The following RBFOX1 variants were observed in gnomAD, a reference collection of about 807,000 sequenced individuals.
The protein encoded by RBFOX1 is RNA binding fox-1 homolog 1, also known as RNA binding protein fox-1 homolog 1.
A neutral mutation model predicts 57.7 loss-of-function variants in RBFOX1; 8 were observed. That is an observed-to-expected ratio of 0.14 (90% CI 0.08 to 0.25). The LOEUF (loss-of-function observed/expected upper bound fraction) is 0.25. Among genes scored for constraint, RBFOX1 ranks in the 10% least tolerant of loss-of-function variants. RBFOX1 has a pLI of 1.00. For missense variants in RBFOX1, 611 were observed against 548.5 expected (o/e 1.11, Z -1.14); for synonymous variants, 326 against 222.4 (o/e 1.47, Z -4.15).
chr16:7,012,305 C>T (rs571777668), intron 3 of RBFOX1, among the ~76,000 whole-genome samples: 3 of 152,294 alleles, frequency 2.0e-5, no homozygotes, highest in East Asian at 3.9e-4. Context: ...AAATGTCTGG[C>T]AGGTGAGATC....
chr16:6,379,853 A>G (rs2091611177), intron 2 of RBFOX1, among the ~76,000 whole-genome samples: 1 of 152,160 alleles, frequency 6.6e-6, no homozygotes, highest in Non-Finnish European at 1.5e-5. Flanking sequence ...GACGGGCATG[A>G]GAGAACAAGA....
chr16:5,300,713 G>C (rs997000939), intron 1 of RBFOX1, among the ~76,000 whole-genome samples: 1 of 151,988 alleles, frequency 6.6e-6, no homozygotes, highest in African/African-American at 2.4e-5. Context: ...TTTTCTAGTT[G>C]CTTTTTTTGG....
intron 2 of RBFOX1, among the ~76,000 whole-genome samples, chr16:6,644,743 G>C (rs913420264): frequency 6.6e-6 from 1 of 152,100 alleles, no homozygotes; most frequent in African/African-American, 2.4e-5. Flanking sequence ...GAAACACCTG[G>C]GCCCTGGAGC....
rs9939867 is a variant in RBFOX1 at position 7,565,082 on chromosome 16, G to C, written c.271-14695G>C. ...AGCAGGAAGCTGGGAGGATCTGCAC[G>C]AGCCCCGTTTTGAAGTAGGATTGTG... On this transcript the variant is annotated intron_variant, in intron 5 of 15. Transcript: ENST00000550418. 4.8e-3 allele frequency among the ~76,000 whole-genome samples: 728 copies of C among 152,294 alleles called. 6 individuals carry two copies. The highest frequency in any genetic ancestry group is 0.016 in the African/African-American group (685 of 41,550).
intron 4 of RBFOX1, among the ~76,000 whole-genome samples, chr16:7,189,462 G>C (rs1484547050): frequency 2.2e-5 from 3 of 138,780 alleles, no homozygotes; most frequent in African/African-American, 8.4e-5. Context: ...ATCCTCAATG[G>C]ATAGAATCCT....
chr16:7,250,948 T>C (rs1316985865), intron 4 of RBFOX1, among the ~76,000 whole-genome samples: 2 of 152,348 alleles, frequency 1.3e-5, no homozygotes, highest in East Asian at 1.9e-4. Flanking sequence ...GAAATATGTA[T>C]ATATTGTGGA....
chr16:6,688,915 C>T (rs2059826228), intron 3 of RBFOX1, among the ~76,000 whole-genome samples: 1 of 152,118 alleles, frequency 6.6e-6, no homozygotes, highest in Non-Finnish European at 1.5e-5. Flanking sequence ...GTGTCAGTTT[C>T]CTGAGAATGA....
intron 3 of RBFOX1, among the ~76,000 whole-genome samples, chr16:5,691,178 G>T (rs1168325968): frequency 6.6e-6 from 1 of 152,176 alleles, no homozygotes; most frequent in Non-Finnish European, 1.5e-5. Context: ...CAACATCTTT[G>T]TAATAAATTT....
intron 4 of RBFOX1, among the ~76,000 whole-genome samples, chr16:5,988,026 A>C (rs1393568522): frequency 2.0e-5 from 3 of 152,132 alleles, no homozygotes; most frequent in Non-Finnish European, 4.4e-5. Flanking sequence ...AGCCCACAGT[A>C]CTTCACCAGC....
intron 1 of RBFOX1, among the ~76,000 whole-genome samples, chr16:5,404,317 C>T (rs1053548209): frequency 6.6e-6 from 1 of 152,128 alleles, no homozygotes; most frequent in Non-Finnish European, 1.5e-5. Flanking sequence ...GAAGTGCCAA[C>T]CTTCTGGGAG....
intron 2 of RBFOX1, among the ~76,000 whole-genome samples, chr16:6,573,449 A>C (rs1305948872): frequency 6.6e-6 from 1 of 152,076 alleles, no homozygotes; most frequent in African/African-American, 2.4e-5. Flanking sequence ...TCTGCCATTC[A>C]CTCAGATCAT....
At chr16:6,072,322 C>T (rs1318149088) in intron 1 of RBFOX1, among the ~76,000 whole-genome samples, 1 of 152,100 alleles carries the variant, frequency 6.6e-6, no homozygotes, top group African/African-American at 2.4e-5. Context: ...TAGGTGGGGA[C>T]ACAGCCAAAC....
chr16:5,754,481 G>C (rs2053329422), intron 3 of RBFOX1, among the ~76,000 whole-genome samples: 1 of 148,588 alleles, frequency 6.7e-6, no homozygotes, highest in African/African-American at 2.5e-5. Context: ...ACAAAGTATA[G>C]AGAAAGAAAT....
intron 4 of RBFOX1, among the ~76,000 whole-genome samples, chr16:7,449,766 G>A (rs1376709609): frequency 1.5e-5 from 2 of 129,554 alleles, no homozygotes; most frequent in Non-Finnish European, 3.3e-5. Flanking sequence ...TTTTGTTTTT[G>A]TTTTTTTCAC....
At chr16:5,712,756 A>G (rs2051540485) in intron 3 of RBFOX1, among the ~76,000 whole-genome samples, 1 of 152,224 alleles carries the variant, frequency 6.6e-6, no homozygotes, top group African/African-American at 2.4e-5. Context: ...GCCAGTGGTT[A>G]GATGATCTGA....
chr16:7,277,849 G>A (rs1002054662), intron 4 of RBFOX1, among the ~76,000 whole-genome samples: 2 of 151,280 alleles, frequency 1.3e-5, no homozygotes, highest in African/African-American at 4.9e-5. Flanking sequence ...CAGTGTTTGA[G>A]AACACTTTGC....
rs559675616 is a variant in RBFOX1, at chr16:6,970,136, T to C, written c.-15-81921T>C. On this transcript the variant is annotated intron_variant, in intron 3 of 15. Transcript: ENST00000550418. ...AAGACTGAAGCGAGCTATGATGGTG[T>C]CACTGCATTCCAGCCTGGGCAACAG... Among the ~76,000 whole-genome samples, 26 of 151,382 alleles carry C rather than the reference T, an allele frequency of 1.7e-4. 1 individual carries two copies. In the South Asian group the frequency reaches 2.5e-3, roughly 15 times the overall value.
chr16:7,040,928 T>TG (rs34355808), intron 3 of RBFOX1, among the ~76,000 whole-genome samples: 19 of 150,194 alleles, frequency 1.3e-4, no homozygotes, highest in African/African-American at 2.7e-4. Context: ...GTTTTTTTGC[T>TG]GGGGGGGGAA....
chr16:7,631,398 C>G (rs1017807133), intron 11 of RBFOX1, among the ~76,000 whole-genome samples: 1 of 152,202 alleles, frequency 6.6e-6, no homozygotes, highest in Admixed American at 6.5e-5. Context: ...GATGGATGCT[C>G]TGGGTTCAAG....
Sources: gnomAD v4.1 joint callset for allele counts (sites outside exome capture counted in the v4.1 genomes callset) on GRCh38, gnomAD v4.1.1 for gene constraint, MANE v1.5 for transcripts, NCBI Gene and HGNC (gene_info 2026-07-23, HGNC 2026-07-21) for gene names.